The following BTBD1 variants were observed in gnomAD, a reference collection of about 807,000 sequenced individuals.
The protein encoded by BTBD1 is BTB domain containing 1, also known as BTB/POZ domain-containing protein 1.
In BTBD1, 34 loss-of-function variants were observed where a neutral mutation model predicts 48.0. That is an observed-to-expected ratio of 0.71 (90% CI 0.54 to 0.94). The LOEUF (loss-of-function observed/expected upper bound fraction) is 0.94, where lower values mean the gene tolerates loss of function less well. BTBD1 is among the 40% of genes least tolerant of loss of function. BTBD1 has a pLI of 0.00. For missense variants in BTBD1, 543 were observed against 625.6 expected (o/e 0.87, Z 1.41); for synonymous variants, 261 against 242.1 (o/e 1.08, Z -0.72).
At chr15:83,033,096 G>A (rs562547128) in intron 4 of BTBD1, among the ~76,000 whole-genome samples, 1 of 152,030 alleles carries the variant, frequency 6.6e-6, no homozygotes, top group Admixed American at 6.6e-5. Flanking sequence ...TCAGCAGTGT[G>A]CCCCTCTAGT....
chr15:83,019,632 T>C (rs1401985658), intron 6 of BTBD1, among the ~76,000 whole-genome samples: 2 of 144,268 alleles, frequency 1.4e-5, no homozygotes, highest in African/African-American at 5.2e-5. Flanking sequence ...TCTGTAGCCC[T>C]GGCTGGAAGG....
At chr15:83,032,613 G>A (rs1289263163) in intron 4 of BTBD1, among the ~76,000 whole-genome samples, 1 of 152,180 alleles carries the variant, frequency 6.6e-6, no homozygotes, top group African/African-American at 2.4e-5. Flanking sequence ...TATTCTAAGT[G>A]AAGTAACTCA....
At chr15:83,055,182 A>T (rs1368784133) in intron 2 of BTBD1, among the ~76,000 whole-genome samples, 5 of 152,270 alleles carry the variant, frequency 3.3e-5, no homozygotes, top group African/African-American at 1.2e-4. Context: ...GCTAAATACT[A>T]TATGTTAAGG....
intron 3 of BTBD1, chr15:83,044,712 G>A (rs1195149838): frequency 6.8e-7 from 1 of 1,461,168 alleles, no homozygotes; most frequent in African/African-American, 1.4e-5. Flanking sequence ...TGGGAAATTA[G>A]TGGTGTACTG....
rs2151308031 is a variant in BTBD1 at position 83,044,535 on chromosome 15, G to A, written c.665-2610C>T. ...TGGCAAAAACCTCACCATAAAAACCGAGAGCACTTTGAAAACACAGTTTTC... is the reference window on the plus strand; with the variant it reads ...TGGCAAAAACCTCACCATAAAAACCAAGAGCACTTTGAAAACACAGTTTTC... On this transcript the variant is annotated intron_variant, in intron 3 of 7. Coordinates refer to ENST00000261721, the MANE Select transcript of BTBD1 (RefSeq NM_025238.4). 5.0e-6 allele frequency: 8 copies of A among 1,592,722 alleles called. No homozygotes were observed. In the African/African-American group the frequency reaches 5.4e-5, roughly 11 times the overall value.
intron 4 of BTBD1, chr15:83,030,580 T>C (rs1596427981): frequency 5.3e-6 from 2 of 375,806 alleles, no homozygotes; most frequent in East Asian, 1.0e-4. Flanking sequence ...TCCTCATGGA[T>C]GCCAGGAATC....
At position 83,017,287 on chromosome 15, in the gene BTBD1, C is replaced by A. The variant is rs757528881; in HGVS notation, c.*780G>T. On this transcript the variant is annotated 3_prime_UTR_variant, in exon 8 of 8. Coordinates refer to ENST00000261721, the MANE Select transcript of BTBD1 (RefSeq NM_025238.4). ...ACCCAGTCGTCATCACCGTCATCAT[C>A]TCAATCTTGGGAATCATCAGCAGTG... is the stretch of plus-strand genomic sequence containing the variant. The A allele has an allele frequency of 6.6e-6, 1 of 152,656 alleles. No individual in the cohort carries two copies. The highest frequency in any genetic ancestry group is 1.5e-5 in the Non-Finnish European group (1 of 68,052). The allele number at this position is 152,656 out of a possible 1,614,324, so 9.5% of individuals were successfully genotyped here. A position where few individuals can be genotyped will look rare whatever the true frequency, so the allele number is the denominator to read the frequency against.
chr15:83,019,217 A>G (rs2032236428), intron 6 of BTBD1, among the ~76,000 whole-genome samples: 4 of 151,790 alleles, frequency 2.6e-5, no homozygotes, highest in African/African-American at 9.7e-5. Context: ...GCGCGACCAC[A>G]CCTGGCTAAT....
chr15:83,039,197 C>T (rs986397992), intron 4 of BTBD1, among the ~76,000 whole-genome samples: 1 of 151,192 alleles, frequency 6.6e-6, no homozygotes, highest in Non-Finnish European at 1.5e-5. Context: ...AAAAAAAAAA[C>T]TCATAAAAAG....
chr15:83,064,546 C>G (rs1016260111), intron 1 of BTBD1, among the ~76,000 whole-genome samples: 7 of 152,162 alleles, frequency 4.6e-5, no homozygotes, highest in Non-Finnish European at 8.8e-5. Context: ...ACATTCTTAT[C>G]CTAGTAATCT....
At chr15:83,063,851 C>T (rs1013733941) in intron 1 of BTBD1, among the ~76,000 whole-genome samples, 6 of 152,170 alleles carry the variant, frequency 3.9e-5, no homozygotes, top group Admixed American at 3.9e-4. Context: ...TGAGAATGTT[C>T]CTTCTCTCAT....
intron 5 of BTBD1, among the ~76,000 whole-genome samples, chr15:83,021,529 G>A (rs1226638312): frequency 6.6e-6 from 1 of 152,084 alleles, no homozygotes; most frequent in Non-Finnish European, 1.5e-5. Context: ...TGAGCCAGGT[G>A]GATTACCTGA....
At chr15:83,052,632 T>C (rs1240636805) in intron 2 of BTBD1, among the ~76,000 whole-genome samples, 1 of 48,100 alleles carries the variant, frequency 2.1e-5, no homozygotes, top group South Asian at 4.2e-4. Flanking sequence ...TATCAACAGA[T>C]TTTTTTTTTT....
chr15:83,029,884 T>C, intron 5 of BTBD1: 2 of 441,308 alleles, frequency 4.5e-6, no homozygotes, highest in South Asian at 5.8e-5. Flanking sequence ...AACAAAAAAA[T>C]CACGTAACAG....
At chr15:83,039,788 A>C (rs1596434865) in intron 4 of BTBD1, among the ~76,000 whole-genome samples, 1 of 151,752 alleles carries the variant, frequency 6.6e-6, no homozygotes, top group African/African-American at 2.4e-5. Flanking sequence ...AAAAAAAAAA[A>C]AAAAAACCAC....
chr15:83,034,560 G>A (rs147740870), intron 4 of BTBD1, among the ~76,000 whole-genome samples: 197 of 152,312 alleles, frequency 1.3e-3, no homozygotes, highest in Middle Eastern at 3.4e-3. Flanking sequence ...GTTGCAGTGA[G>A]CCAAGATTGT....
At chr15:83,047,502 G>A (rs540378097) in intron 3 of BTBD1, among the ~76,000 whole-genome samples, 5 of 152,306 alleles carry the variant, frequency 3.3e-5, no homozygotes, top group Admixed American at 1.3e-4. Flanking sequence ...TTCTTCCTGG[G>A]ATGTGACTAG....
At chr15:83,042,276 GATT>G (rs1355050034) in intron 3 of BTBD1, among the ~76,000 whole-genome samples, 2 of 148,576 alleles carry the variant, frequency 1.3e-5, no homozygotes, top group Non-Finnish European at 3.0e-5. Flanking sequence ...AAAGTCTACA[GATT>G]ATAATTCATT....
At chr15:83,063,500 G>C (rs1450217579) in intron 1 of BTBD1, among the ~76,000 whole-genome samples, 2 of 152,096 alleles carry the variant, frequency 1.3e-5, no homozygotes, top group African/African-American at 4.8e-5. Flanking sequence ...ATCGCCTCTT[G>C]CCTGGACTAC....
Sources: allele counts gnomAD v4.1 joint callset (sites outside exome capture counted in the v4.1 genomes callset), GRCh38; gene constraint gnomAD v4.1.1; transcripts MANE v1.5; gene names NCBI Gene and HGNC (gene_info 2026-07-23, HGNC 2026-07-21).